The following PIEZO1 variants were observed in gnomAD, a reference collection of about 807,000 sequenced individuals.
PIEZO1 encodes the protein piezo type mechanosensitive ion channel component 1 (Er blood group).
PIEZO1 carries 296 observed loss-of-function variants against 297.2 expected under a neutral mutation model. The ratio of observed to expected loss-of-function variants is 1.00; its 90% confidence interval spans 0.91 to 1.10. The LOEUF (loss-of-function observed/expected upper bound fraction) is 1.10. Ranked by LOEUF, PIEZO1 falls within the 50% of genes least tolerant of loss-of-function variation. PIEZO1 has a pLI of 0.00. For synonymous variants in PIEZO1, 2,427 were observed against 1,507.5 expected, an observed-to-expected ratio of 1.61 and a Z score of -14.13; for missense variants, 5,018 against 3,455.5, an observed-to-expected ratio of 1.45 and a Z score of -11.34.
intron 1 of PIEZO1, among the ~76,000 whole-genome samples, chr16:88,776,954 G>A (rs1318886085): frequency 1.3e-5 from 2 of 152,176 alleles, no homozygotes; most frequent in Non-Finnish European, 2.9e-5. Context: ...GCCTGCACCA[G>A]GCTGAAGTGT....
Position 88,732,744 on chromosome 16 carries a change from C to G in PIEZO1, c.2665-12G>C. The G allele has an allele frequency of 6.5e-7, 1 of 1,536,956 alleles. No individual in the cohort carries two copies. On this transcript the variant is annotated splice_polypyrimidine_tract_variant and intron_variant, in intron 19 of 50. Coordinates refer to ENST00000301015, the MANE Select transcript of PIEZO1 (RefSeq NM_001142864.4). ...CTGTTGGGGAAGGGCTGGCAAGAGG[C>G]CAGGCATCAGTGCCCCCTCCCAGGC...
chr16:88,769,495 G>C (rs1907324600), intron 1 of PIEZO1, among the ~76,000 whole-genome samples: 2 of 152,212 alleles, frequency 1.3e-5, no homozygotes, highest in South Asian at 2.1e-4. Context: ...CCAATATGAA[G>C]ACAGACCTGC....
chr16:88,761,324 C>A (rs1480755662), intron 1 of PIEZO1, among the ~76,000 whole-genome samples: 1 of 152,220 alleles, frequency 6.6e-6, no homozygotes, highest in Non-Finnish European at 1.5e-5. Context: ...CCCAGGTGAC[C>A]TGCTGGTGGG....
Position 88,734,029 on chromosome 16 carries a change from G to A in PIEZO1, c.2206C>T (p.Leu736=). 6.5e-7 allele frequency: 1 copy of A among 1,542,154 alleles called. No individual in the cohort carries two copies. The highest frequency in any genetic ancestry group is 8.8e-7 in the Non-Finnish European group (1 of 1,141,936). The part of the protein sequence containing the change: ...HRQDAVSGTP[L]LREEQQEHQQ... ...TGCTCCTGCTGCTCCTCCCGCAGCA[G>A]TGGGGTCCCACTCACTGCATCCTGC... The change falls in exon 17 of 51, where the codon CTG becomes TTG. Residue 736 remains leucine (L), a synonymous_variant. Transcript: ENST00000301015.
intron 44 of PIEZO1, chr16:88,717,462 C>T: frequency 4.9e-6 from 3 of 607,010 alleles, no homozygotes; most frequent in Non-Finnish European, 9.1e-6. Flanking sequence ...CAACCTTTTT[C>T]AACACGGTGC....
rs768510250 is a variant in PIEZO1 at position 88,733,391 on chromosome 16, G to A, written c.2551C>T (p.Arg851Trp). 9.0e-5 allele frequency: 139 copies of A among 1,550,150 alleles called. No homozygotes were observed. The highest frequency in any genetic ancestry group is 1.2e-4 in the Non-Finnish European group (132 of 1,146,838). Residue 851 changes from arginine to tryptophan, a missense_variant, in exon 19 of 51, where the codon CGG becomes TGG. By Grantham distance (101) the Arg-to-Trp change is moderately radical. Transcript: ENST00000301015. ...WAFALPYPRFRPMASCLSTVW... is the reference protein window; with the variant it reads ...WAFALPYPRFWPMASCLSTVW... ...GTGGACAGGCAGGAGGCCATGGGCC[G>A]GAAGCGTGGGTAGGGCAGGGCGAAG...
At chr16:88,751,535 G>C (rs1663602394) in intron 1 of PIEZO1, among the ~76,000 whole-genome samples, 1 of 152,170 alleles carries the variant, frequency 6.6e-6, no homozygotes, top group Non-Finnish European at 1.5e-5. Context: ...CCGCCCTGCT[G>C]GACACAGCAG....
chr16:88,736,796 T>C, intron 10 of PIEZO1, 57 bp from the exon 11 acceptor site: 2 of 1,095,792 alleles, frequency 1.8e-6, no homozygotes, highest in South Asian at 1.5e-5. Context: ...CTCCCCACCC[T>C]GACTATGCCC....
At position 88,723,088 on chromosome 16, in the gene PIEZO1, C is replaced by CACGT; in HGVS notation, c.4495+3_4495+6dup. On this transcript the variant is annotated splice_region_variant and intron_variant, in intron 33 of 50. Coordinates refer to ENST00000301015, the MANE Select transcript of PIEZO1 (RefSeq NM_001142864.4). Reference sequence around the variant, plus strand: ...ACCTCCCACTCCCCAGCCCCGGGCCCACGTACCTGCCGCTGCCTCCTCGGG... The same window carrying CACGT: ...ACCTCCCACTCCCCAGCCCCGGGCCCACGTACGTACCTGCCGCTGCCTCCTCGGG... The CACGT allele has an allele frequency of 6.5e-7, 1 of 1,547,272 alleles. No homozygotes were observed. The highest frequency in any genetic ancestry group is 2.0e-5 in the Admixed American group (1 of 50,964).
At position 88,722,882 on chromosome 16, in the gene PIEZO1, G is replaced by T. The variant is rs748928863; in HGVS notation, c.4623C>A (p.Asp1541Glu). The change falls in exon 34 of 51, where the codon GAC becomes GAA. Residue 1541 changes from aspartate (D) to glutamate (E), a missense_variant. Coordinates refer to ENST00000301015, the MANE Select transcript of PIEZO1 (RefSeq NM_001142864.4). Reference sequence around the variant, plus strand: ...GGAGGTAGCGCTCTGCCCGCAGCACGTCGCTCATGGTGCCGTGGTGCCGGG... The same window carrying T: ...GGAGGTAGCGCTCTGCCCGCAGCACTTCGCTCATGGTGCCGTGGTGCCGGG... ...EFTRHHGTMS[D>E]VLRAERYLLT... The T allele has an allele frequency of 1.6e-5, 25 of 1,548,580 alleles. No homozygotes were observed. The African/African-American group carries it at 2.7e-4, about 17-fold the overall frequency.
chr16:88,775,507 T>C (rs1284409783), intron 1 of PIEZO1, among the ~76,000 whole-genome samples: 1 of 151,998 alleles, frequency 6.6e-6, no homozygotes, highest in African/African-American at 2.4e-5. Flanking sequence ...GGCAGGCGGA[T>C]CACCTAAGGT....
In PIEZO1 at chr16:88,721,627, G is replaced by C. The variant is rs753431693; in HGVS notation, c.5314C>G (p.Arg1772Gly). ...RYENKPYFPPRILGLEKTDGY... is the reference protein window; with the variant it reads ...RYENKPYFPPGILGLEKTDGY... ...TCAGTCTTCTCCAGGCCCAGGATGCGGGGCGGGAAGTAGGGCTTGTTCTCG... is the reference window on the plus strand; with the variant it reads ...TCAGTCTTCTCCAGGCCCAGGATGCCGGGCGGGAAGTAGGGCTTGTTCTCG... The change falls in exon 38 of 51, where the codon CGC (arginine) becomes GGC (glycine). Residue 1772 changes from arginine to glycine, a missense_variant. Coordinates refer to ENST00000301015, the MANE Select transcript of PIEZO1 (RefSeq NM_001142864.4). 2.1e-5 allele frequency: 33 copies of C among 1,550,114 alleles called. No individual in the cohort carries two copies. Among genetic ancestry groups the C allele is most frequent in the Admixed American group, 5.9e-5 (3 of 50,980 alleles).
At chr16:88,715,905 C>T (rs906028569) in intron 50 of PIEZO1, 28 bp downstream of exon 50, 86 of 1,533,022 alleles carry the variant, frequency 5.6e-5, no homozygotes, top group East Asian at 7.4e-5. Flanking sequence ...CCCCGAGCTG[C>T]GGGGTGCCCC....
In PIEZO1 at chr16:88,733,158, G is replaced by A. The variant is rs1904981906; in HGVS notation, c.2664+120C>T. 5.2e-6 allele frequency: 5 copies of A among 964,866 alleles called. No individual in the cohort carries two copies. The South Asian group carries it at 8.4e-5, about 16-fold the overall frequency. 59.8% of individuals were successfully genotyped at this position (964,866 alleles called of 1,614,324 possible). On this transcript the variant is annotated intron_variant, in intron 19 of 50. Coordinates refer to ENST00000301015, the MANE Select transcript of PIEZO1 (RefSeq NM_001142864.4). ...GGAAGCCCCCTTGGCGCCCCCAGGG[G>A]AGAGTCCTCCATCTCCATTGCTGGC...
intron 1 of PIEZO1, among the ~76,000 whole-genome samples, chr16:88,764,549 G>A (rs1346800256): frequency 3.9e-5 from 6 of 151,970 alleles, no homozygotes; most frequent in African/African-American, 1.2e-4. Flanking sequence ...TCAGGAGTTC[G>A]AGACCAGCCT....
intron 1 of PIEZO1, among the ~76,000 whole-genome samples, chr16:88,754,904 C>T (rs769357704): frequency 1.3e-5 from 2 of 152,352 alleles, no homozygotes; most frequent in Non-Finnish European, 2.9e-5. Flanking sequence ...AACGCCCCGG[C>T]GTGCCGTCCC....
At position 88,726,384 on chromosome 16, in the gene PIEZO1, C is replaced by T. The variant is rs756534418; in HGVS notation, c.3868G>A (p.Val1290Ile). 23 of 1,550,332 alleles carry T rather than the reference C, an allele frequency of 1.5e-5. No individual in the cohort carries two copies. The highest frequency in any genetic ancestry group is 5.9e-5 in the South Asian group (5 of 84,068). The change falls in exon 27 of 51, where the codon GTC becomes ATC. Residue 1290 changes from valine to isoleucine, a missense_variant. Physicochemically the swap from Val to Ile is conservative, Grantham distance 29. Coordinates refer to ENST00000301015, the MANE Select transcript of PIEZO1 (RefSeq NM_001142864.4). ...VEEAGIIWDS[V>I]CFFFLLLQRR... Reference sequence around the variant, plus strand: ...TGCAGCAGCAGGAAGAAGAAGCAGACGCTGTCCCAGATGATGCCAGCCTCC... The same window carrying T: ...TGCAGCAGCAGGAAGAAGAAGCAGATGCTGTCCCAGATGATGCCAGCCTCC...
chr16:88,720,605 C>T lies in PIEZO1; in HGVS notation c.5801+11G>A. The T allele has an allele frequency of 1.3e-6, 2 of 1,543,038 alleles. No individual in the cohort carries two copies. Among genetic ancestry groups the T allele is most frequent in the Non-Finnish European group, 1.7e-6 (2 of 1,144,940 alleles). ...CCCACTCCCCAGCTGCCCCCGGCCG[C>T]CATCACTCACAGGGACAGGCAGAAG... On this transcript the variant is annotated intron_variant, in intron 40 of 50. Coordinates refer to ENST00000301015, the MANE Select transcript of PIEZO1 (RefSeq NM_001142864.4).
chr16:88,721,146 G>A lies in PIEZO1; in HGVS notation c.5668+20C>T, dbSNP rs1243787196. 2.0e-6 allele frequency: 3 copies of A among 1,469,670 alleles called. No homozygotes were observed. Among genetic ancestry groups the A allele is most frequent in the Non-Finnish European group, 2.7e-6 (3 of 1,110,982 alleles). 91.0% of individuals were successfully genotyped at this position (1,469,670 alleles called of 1,614,324 possible). On this transcript the variant is annotated intron_variant, in intron 39 of 50. Coordinates refer to ENST00000301015, the MANE Select transcript of PIEZO1 (RefSeq NM_001142864.4). ...CAGAAAACTGGGTAGGCAGGAGGTT[G>A]TGAGGCAGGGCGCTTATACCGATGG... is the stretch of plus-strand genomic sequence containing the variant.
Sources: allele counts gnomAD v4.1 joint callset (sites outside exome capture counted in the v4.1 genomes callset), GRCh38; gene constraint gnomAD v4.1.1; transcripts MANE v1.5; gene names NCBI Gene and HGNC (gene_info 2026-07-23, HGNC 2026-07-21).